The following NRG3 variants were observed in gnomAD, a reference collection of about 807,000 sequenced individuals.
NRG3 encodes the protein neuregulin 3.
A neutral mutation model predicts 66.9 loss-of-function variants in NRG3; 31 were observed. The observed-to-expected ratio is 0.46, with a 90% CI of 0.35 to 0.63. The LOEUF (loss-of-function observed/expected upper bound fraction) is 0.63. Among genes scored for constraint, NRG3 ranks in the 20% least tolerant of loss-of-function variants. The pLI, the probability that NRG3 is intolerant of heterozygous loss-of-function variation, is 0.00. For synonymous variants in NRG3, 393 were observed against 359.4 expected (o/e 1.09, Z -1.06); for missense variants, 910 against 878.9 (o/e 1.04, Z -0.45).
At chr10:82,645,242 C>G (rs17100381) in intron 2 of NRG3, among the ~76,000 whole-genome samples, 2 of 152,186 alleles carry the variant, frequency 1.3e-5, no homozygotes, top group South Asian at 4.1e-4. Flanking sequence ...TGAAAAGCAC[C>G]CAAGGTCTGT....
At chr10:82,752,926 A>G (rs2058931344) in intron 3 of NRG3, among the ~76,000 whole-genome samples, 1 of 152,160 alleles carries the variant, frequency 6.6e-6, no homozygotes, top group Admixed American at 6.6e-5. Flanking sequence ...ATCCAAAGGG[A>G]CTCAGAAAAC....
chr10:82,424,261 A>G (rs975733810), intron 2 of NRG3, among the ~76,000 whole-genome samples: 1 of 152,014 alleles, frequency 6.6e-6, no homozygotes, highest in African/African-American at 2.4e-5. Flanking sequence ...TTTAAATCCC[A>G]CCAGCAAAAA....
intron 3 of NRG3, among the ~76,000 whole-genome samples, chr10:82,810,974 T>A (rs140451093): frequency 6.6e-6 from 1 of 152,118 alleles, no homozygotes; most frequent in East Asian, 1.9e-4. Context: ...TATGGAGAGG[T>A]GTCCTTGTGT....
intron 2 of NRG3, among the ~76,000 whole-genome samples, chr10:82,675,510 T>C (rs1318105384): frequency 1.3e-5 from 2 of 152,158 alleles, no homozygotes; most frequent in Non-Finnish European, 1.5e-5. Context: ...TCCACAGGGG[T>C]AATCGGGGAA....
chr10:82,314,467 A>G (rs1049130543), intron 1 of NRG3, among the ~76,000 whole-genome samples: 1 of 152,128 alleles, frequency 6.6e-6, no homozygotes, highest in Non-Finnish European at 1.5e-5. Context: ...AATTTAAAAA[A>G]AAAATGACTG....
chr10:82,156,377 A>G (rs2071186703), intron 1 of NRG3, among the ~76,000 whole-genome samples: 1 of 151,478 alleles, frequency 6.6e-6, no homozygotes, highest in African/African-American at 2.4e-5. Context: ...ATGATCCCCC[A>G]GGCCTCAACT....
intron 1 of NRG3, among the ~76,000 whole-genome samples, chr10:82,012,326 G>A (rs143289600): frequency 6.6e-6 from 1 of 151,940 alleles, no homozygotes; most frequent in Non-Finnish European, 1.5e-5. Context: ...CAAAGAGCAG[G>A]GGGACCCTGG....
chr10:82,769,819 T>C (rs1185483405), intron 3 of NRG3, among the ~76,000 whole-genome samples: 1 of 152,108 alleles, frequency 6.6e-6, no homozygotes, highest in Non-Finnish European at 1.5e-5. Flanking sequence ...TATAACATTT[T>C]TTGTGTACAC....
intron 4 of NRG3, among the ~76,000 whole-genome samples, chr10:82,871,401 G>A (rs1841328358): frequency 6.6e-6 from 1 of 151,834 alleles, no homozygotes; most frequent in Non-Finnish European, 1.5e-5. Flanking sequence ...GACTTTTCTG[G>A]ATCTACTGCC....
intron 2 of NRG3, among the ~76,000 whole-genome samples, chr10:82,394,852 A>G (rs1280033923): frequency 1.3e-5 from 2 of 152,174 alleles, no homozygotes; most frequent in Non-Finnish European, 2.9e-5. Flanking sequence ...GTGTTACATT[A>G]CAATGGAAGT....
chr10:82,871,386 G>A (rs1268977223), intron 4 of NRG3, among the ~76,000 whole-genome samples: 1 of 151,174 alleles, frequency 6.6e-6, no homozygotes, highest in African/African-American at 2.4e-5. Context: ...TTTTAATGTT[G>A]TGTTGACTTT....
chr10:81,936,255 G>C (rs560569281), intron 1 of NRG3, among the ~76,000 whole-genome samples: 1 of 152,082 alleles, frequency 6.6e-6, no homozygotes, highest in East Asian at 1.9e-4. Flanking sequence ...AATTTCACTC[G>C]GAGTAACTTG....
At chr10:82,968,258 GCTT>G (rs1363409265) in intron 6 of NRG3, among the ~76,000 whole-genome samples, 2 of 152,124 alleles carry the variant, frequency 1.3e-5, no homozygotes, top group Non-Finnish European at 2.9e-5. Context: ...CTCTTATCAT[GCTT>G]CCACAAGTTT....
At chr10:82,932,506 G>T (rs1725227654) in intron 4 of NRG3, among the ~76,000 whole-genome samples, 1 of 152,136 alleles carries the variant, frequency 6.6e-6, no homozygotes, top group Non-Finnish European at 1.5e-5. Context: ...TTGATAGCTG[G>T]GTTTGCCACC....
intron 2 of NRG3, among the ~76,000 whole-genome samples, chr10:82,694,281 A>G (rs900774450): frequency 6.6e-6 from 1 of 152,350 alleles, no homozygotes; most frequent in South Asian, 2.1e-4. Context: ...GCCTTTAGCT[A>G]GACACAAAAG....
chr10:82,147,674 C>A (rs995783934), intron 1 of NRG3, among the ~76,000 whole-genome samples: 2 of 152,184 alleles, frequency 1.3e-5, no homozygotes, highest in African/African-American at 4.8e-5. Context: ...CGCCCCAGAC[C>A]TTTTGAGTAG....
At chr10:82,940,280 A>G (rs961251205) in intron 4 of NRG3, among the ~76,000 whole-genome samples, 2 of 152,118 alleles carry the variant, frequency 1.3e-5, no homozygotes, top group Admixed American at 6.5e-5. Flanking sequence ...TCGAGGTATT[A>G]GCAGACTTGG....
intron 1 of NRG3, among the ~76,000 whole-genome samples, chr10:81,946,196 T>A (rs536307077): frequency 6.6e-6 from 1 of 152,080 alleles, no homozygotes; most frequent in Non-Finnish European, 1.5e-5. Flanking sequence ...TTTGTACTTT[T>A]AGTAGAGACG....
intron 2 of NRG3, among the ~76,000 whole-genome samples, chr10:82,571,337 A>T (rs1313924482): frequency 6.6e-6 from 1 of 151,644 alleles, no homozygotes; most frequent in African/African-American, 2.4e-5. Flanking sequence ...TTTCCCTCGC[A>T]TTTAAAGACA....
Sources: allele counts gnomAD v4.1 joint callset (sites outside exome capture counted in the v4.1 genomes callset), GRCh38; gene constraint gnomAD v4.1.1; transcripts MANE v1.5; gene names NCBI Gene and HGNC (gene_info 2026-07-23, HGNC 2026-07-21).